Variants in LNX1 observed in about 807,000 individuals in gnomAD.
LNX1 encodes E3 ubiquitin-protein ligase LNX.
LNX1 carries 54 observed loss-of-function variants against 68.4 expected under a neutral mutation model. The ratio of observed to expected loss-of-function variants is 0.79; its 90% CI spans 0.63 to 0.99. LNX1 has a LOEUF of 0.99. Among genes scored for constraint, LNX1 ranks in the 50% least tolerant of loss-of-function variants. The pLI is 0.00. For missense variants in LNX1, 906 were observed against 926.4 expected (o/e 0.98, Z 0.29); for synonymous variants, 336 against 350.0 (o/e 0.96, Z 0.45).
At chr4:53,630,249 C>A (rs1221836203) in intron 1 of LNX1, among the ~76,000 whole-genome samples, 1 of 152,022 alleles carries the variant, frequency 6.6e-6, no homozygotes, top group Non-Finnish European at 1.5e-5. Flanking sequence ...TTTATACAGT[C>A]GAGCCTATTA....
chr4:53,495,965 G>T, intron 6 of LNX1, 58 bp downstream of exon 6: 6 of 1,562,972 alleles, frequency 3.8e-6, no homozygotes, highest in Non-Finnish European at 5.2e-6. Context: ...AGGGGGATGT[G>T]CATTCTTGCT....
At chr4:53,520,442 A>G (rs557726229) in intron 2 of LNX1, among the ~76,000 whole-genome samples, 1 of 152,242 alleles carries the variant, frequency 6.6e-6, no homozygotes, top group East Asian at 1.9e-4. Flanking sequence ...TTCTTCAGAG[A>G]CGCCAGAATC....
At chr4:53,514,283 T>A (rs962519552) in intron 2 of LNX1, among the ~76,000 whole-genome samples, 5 of 152,222 alleles carry the variant, frequency 3.3e-5, no homozygotes, top group African/African-American at 1.2e-4. Flanking sequence ...GACTTTTAAA[T>A]GAAAGAACGA....
At chr4:53,613,477 T>C (rs530457018) in intron 2 of LNX1, among the ~76,000 whole-genome samples, 11 of 152,134 alleles carry the variant, frequency 7.2e-5, no homozygotes, top group Middle Eastern at 3.4e-3. Context: ...CTAGTATCCA[T>C]ATTTGTTATT....
intron 2 of LNX1, among the ~76,000 whole-genome samples, chr4:53,510,900 C>G (rs56708336): frequency 4.9e-4 from 74 of 152,212 alleles, no homozygotes; most frequent in African/African-American, 1.8e-3. Context: ...GAAACTGGCA[C>G]CTTTCTCTGC....
chr4:53,635,659 A>C (rs980875103), intron 1 of LNX1, among the ~76,000 whole-genome samples: 23 of 152,220 alleles, frequency 1.5e-4, no homozygotes, highest in Non-Finnish European at 2.9e-4. Flanking sequence ...TAATGATTCT[A>C]TGCAACTCAT....
At chr4:53,519,152 C>A (rs1164151752) in intron 2 of LNX1, among the ~76,000 whole-genome samples, 1 of 152,210 alleles carries the variant, frequency 6.6e-6, no homozygotes, top group African/African-American at 2.4e-5. Context: ...AAATAATTAG[C>A]TCCAAACACA....
In LNX1 at chr4:53,460,547, G is replaced by T. The variant is rs1309373416; in HGVS notation, c.*360C>A. 4 of 215,290 alleles carry T rather than the reference G, an allele frequency of 1.9e-5. No homozygotes were observed. Among genetic ancestry groups the T allele is most frequent in the African/African-American group, 9.1e-5 (4 of 43,972 alleles). The allele number at this position is 215,290 out of a possible 1,614,324, so 13.3% of individuals were successfully genotyped here. A position where few individuals can be genotyped will look rare whatever the true frequency, so the allele number is the denominator to read the frequency against. ...ATATTTTAGCTGTAAATTAAAAATGGCCATAATGTACCCTTGGCAGACTTC... is the reference window on the plus strand; with the variant it reads ...ATATTTTAGCTGTAAATTAAAAATGTCCATAATGTACCCTTGGCAGACTTC... On this transcript the variant is annotated 3_prime_UTR_variant, in exon 11 of 11. Transcript: ENST00000263925.
chr4:53,514,407 C>T (rs537630781), intron 2 of LNX1, among the ~76,000 whole-genome samples: 1 of 152,304 alleles, frequency 6.6e-6, no homozygotes, highest in South Asian at 2.1e-4. Flanking sequence ...GACACACAGT[C>T]CCACCTGGCT....
chr4:53,591,594 T>C, upstream of LNX1: 1 of 985,378 alleles, frequency 1.0e-6, no homozygotes, highest in South Asian at 4.7e-5. Context: ...GATAAAGCAT[T>C]GCTGAGACCT....
At position 53,496,311 on chromosome 4, in the gene LNX1, A is replaced by G; in HGVS notation, c.1062T>C (p.Thr354=). The G allele has an allele frequency of 6.2e-7, 1 of 1,614,168 alleles. No individual in the cohort carries two copies. Residue 354 remains threonine, a synonymous_variant, in exon 6 of 11, where the codon ACT becomes ACC. Coordinates refer to ENST00000263925, the MANE Select transcript of LNX1 (RefSeq NM_001126328.3). The part of the protein sequence containing the change: ...LRQPCQVLWL[T]VMREQKFRSR... ...TGCGGAACTTCTGTTCACGCATCAC[A>G]GTCAGCCACAGCACCTGGCAGGGCT...
At chr4:53,557,945 C>T (rs375976726) in intron 2 of LNX1, 1 of 1,613,542 alleles carries the variant, frequency 6.2e-7, no homozygotes, top group Non-Finnish European at 8.5e-7. Context: ...AAGGCAAGAC[C>T]AGCAACAGAA....
At chr4:53,467,083 A>G (rs1262752936) in intron 9 of LNX1, among the ~76,000 whole-genome samples, 1 of 152,124 alleles carries the variant, frequency 6.6e-6, no homozygotes, top group Non-Finnish European at 1.5e-5. Context: ...CCTAACTGGG[A>G]GGCACCCCCC....
At chr4:53,521,116 G>T (rs374250370) in intron 2 of LNX1, among the ~76,000 whole-genome samples, 1 of 152,202 alleles carries the variant, frequency 6.6e-6, no homozygotes, top group South Asian at 2.1e-4. Flanking sequence ...TAACTGGAAA[G>T]GGTGGGTTTC....
chr4:53,649,052 AAT>A (rs1734995650), intron 1 of LNX1, among the ~76,000 whole-genome samples: 1 of 152,214 alleles, frequency 6.6e-6, no homozygotes, highest in Non-Finnish European at 1.5e-5. Context: ...TGTAACCCAA[AAT>A]ATATCAAAAG....
At chr4:53,630,892 G>A (rs1734242372) in intron 1 of LNX1, among the ~76,000 whole-genome samples, 2 of 152,198 alleles carry the variant, frequency 1.3e-5, no homozygotes, top group Admixed American at 1.3e-4. Context: ...AATTGCATCA[G>A]CTTTTAGAAT....
chr4:53,497,221 T>C (rs1725130582), intron 5 of LNX1, among the ~76,000 whole-genome samples: 1 of 152,180 alleles, frequency 6.6e-6, no homozygotes, highest in Non-Finnish European at 1.5e-5. Flanking sequence ...GGTTTTAATT[T>C]CTCTGGCTAC....
chr4:53,507,608 G>T, intron 3 of LNX1, 139 bp from the exon 4 acceptor site: 1 of 1,011,716 alleles, frequency 9.9e-7, no homozygotes, highest in Non-Finnish European at 1.4e-6. Context: ...TTGCTTACCT[G>T]TATTTTTTAA....
At chr4:53,636,179 CTTTTTT>C (rs11440722) in intron 1 of LNX1, among the ~76,000 whole-genome samples, 70 of 85,248 alleles carry the variant, frequency 8.2e-4, no homozygotes, top group Admixed American at 1.2e-3. Flanking sequence ...TCTATTACTC[CTTTTTT>C]TTTTTTTTTT....
Sources: allele counts gnomAD v4.1 joint callset (sites outside exome capture counted in the v4.1 genomes callset), GRCh38; gene constraint gnomAD v4.1.1; transcripts MANE v1.5; gene names NCBI Gene and HGNC (gene_info 2026-07-23, HGNC 2026-07-21).